PTPRF: variants seen among roughly 807,000 people sequenced by gnomAD.
PTPRF encodes receptor-type tyrosine-protein phosphatase F.
In PTPRF, 59 loss-of-function variants were observed where a neutral mutation model predicts 201.8. The observed-to-expected ratio is 0.29, with a 90% CI of 0.24 to 0.36. PTPRF has a LOEUF of 0.36. Ranked by LOEUF, PTPRF falls within the 10% of genes least tolerant of loss-of-function variation. PTPRF has a pLI of 1.00. For missense variants in PTPRF, 2,132 were observed against 2,690.5 expected (o/e 0.79, Z 4.59); for synonymous variants, 1,088 against 1,089.7 (o/e 1.00, Z 0.03).
At chr1:43,526,981 A>G (rs893700054), upstream of PTPRF, among the ~76,000 whole-genome samples, 1 of 152,224 alleles carries the variant, frequency 6.6e-6, no homozygotes, top group Non-Finnish European at 1.5e-5. Context: ...GAGGGAGCTG[A>G]AGGGCAGCCA....
At chr1:43,540,536 C>T (rs548998541) in intron 2 of PTPRF, among the ~76,000 whole-genome samples, 17 of 152,328 alleles carry the variant, frequency 1.1e-4, no homozygotes, top group African/African-American at 3.8e-4. Flanking sequence ...GTTACAGCCG[C>T]AGGAAGATAC....
chr1:43,613,291 C>T, intron 22 of PTPRF: 1 of 348,612 alleles, frequency 2.9e-6, no homozygotes, highest in Non-Finnish European at 5.5e-6. Flanking sequence ...GTCACGTCTG[C>T]TGCCACCGAC....
chr1:43,621,325 G>T (rs1418934341), intron 33 of PTPRF, 93 bp downstream of exon 33: 1 of 1,493,886 alleles, frequency 6.7e-7, no homozygotes, highest in African/African-American at 1.4e-5. Context: ...ACAGGCATGT[G>T]CATTCATTCA....
intron 6 of PTPRF, among the ~76,000 whole-genome samples, chr1:43,576,160 C>T (rs541608929): frequency 3.3e-5 from 5 of 152,352 alleles, no homozygotes; most frequent in South Asian, 4.1e-4. Flanking sequence ...CGCCGGGCCC[C>T]GCCTAGGACA....
At chr1:43,577,647 G>C (rs1353689969) in intron 6 of PTPRF, among the ~76,000 whole-genome samples, 1 of 152,072 alleles carries the variant, frequency 6.6e-6, no homozygotes, top group Non-Finnish European at 1.5e-5. Context: ...AGTCCAGGCA[G>C]GGGGGGCCCG....
upstream of PTPRF, among the ~76,000 whole-genome samples, chr1:43,526,298 G>A (rs1570809149): frequency 6.6e-6 from 1 of 152,192 alleles, no homozygotes; most frequent in Non-Finnish European, 1.5e-5. Flanking sequence ...AGAAATGAAA[G>A]GCATTAGCCA....
chr1:43,615,567 T>TTC (rs1657594706), intron 23 of PTPRF, among the ~76,000 whole-genome samples: 2 of 136,246 alleles, frequency 1.5e-5, no homozygotes, highest in Non-Finnish European at 3.1e-5. Context: ...TTTTTTTTTT[T>TTC]TTTTTTTTTT....
In PTPRF at chr1:43,617,586, C is replaced by A; in HGVS notation, c.4195+18C>A. ...TATCGATGGTGAGCCAAGGGGGTGCCCCTCCCATCCCCTTGCTCTCCCCCT... is the reference window on the plus strand; with the variant it reads ...TATCGATGGTGAGCCAAGGGGGTGCACCTCCCATCCCCTTGCTCTCCCCCT... On this transcript the variant is annotated intron_variant, in intron 24 of 33. Transcript: ENST00000359947. 6.2e-7 allele frequency: 1 copy of A among 1,613,498 alleles called. No homozygotes were observed. Among genetic ancestry groups the A allele is most frequent in the Non-Finnish European group, 8.5e-7 (1 of 1,179,798 alleles).
At chr1:43,583,482 A>G (rs1316666177) in intron 7 of PTPRF, among the ~76,000 whole-genome samples, 1 of 152,146 alleles carries the variant, frequency 6.6e-6, no homozygotes, top group Non-Finnish European at 1.5e-5. Flanking sequence ...TAAGACCTGT[A>G]GCGCTTTGTG....
Position 43,553,248 on chromosome 1 carries a change from T to G in PTPRF, c.92-244T>G, listed in dbSNP as rs571044040. Among the ~76,000 whole-genome samples, 1 of 152,236 alleles carries G rather than the reference T, an allele frequency of 6.6e-6. No homozygotes were observed. Among genetic ancestry groups the G allele is most frequent in the South Asian group, 2.1e-4 (1 of 4,828 alleles). ...TACCAGCTGTGTCATATGGGACAAATCCCTTAACCTCTCTGGGCCTCTAGA... is the reference window on the plus strand; with the variant it reads ...TACCAGCTGTGTCATATGGGACAAAGCCCTTAACCTCTCTGGGCCTCTAGA... On this transcript the variant is annotated intron_variant, in intron 3 of 33. Coordinates refer to ENST00000359947, the MANE Select transcript of PTPRF (RefSeq NM_002840.5). The surrounding 1 kb of genome is among the most constrained non-coding windows in gnomAD (Gnocchi z 4.1).
At chr1:43,607,680 T>G (rs1655457333) in intron 21 of PTPRF, among the ~76,000 whole-genome samples, 1 of 152,278 alleles carries the variant, frequency 6.6e-6, no homozygotes, top group South Asian at 2.1e-4. Context: ...CTGGCTAATC[T>G]GACCCCTGCC....
In PTPRF at chr1:43,617,512, G is replaced by A. The variant is rs1165576828; in HGVS notation, c.4139G>A (p.Arg1380His). Residue 1380 changes from arginine to histidine, a missense_variant, in exon 24 of 34, where the codon CGC becomes CAC. Physicochemically the swap from Arg to His is conservative, Grantham distance 29. Coordinates refer to ENST00000359947, the MANE Select transcript of PTPRF (RefSeq NM_002840.5). ...CTGGAGGTGAACAAGCCCAAGAACC[G>A]CTATGCGAATGTCATCGCCTACGAC... The part of the protein sequence containing the change: ...SNLEVNKPKN[R>H]YANVIAYDHS... 2.5e-6 allele frequency: 4 copies of A among 1,613,952 alleles called. No individual in the cohort carries two copies. The highest frequency in any genetic ancestry group is 2.5e-6 in the Non-Finnish European group (3 of 1,180,010).
At chr1:43,601,553 T>TA (rs1557822067) in intron 13 of PTPRF, among the ~76,000 whole-genome samples, 2 of 152,216 alleles carry the variant, frequency 1.3e-5, no homozygotes, top group Non-Finnish European at 1.5e-5. Context: ...GGTGATTGTG[T>TA]AATGTATGAT....
intron 7 of PTPRF, among the ~76,000 whole-genome samples, chr1:43,582,276 G>A (rs748761935): frequency 3.9e-5 from 6 of 152,200 alleles, no homozygotes; most frequent in Non-Finnish European, 8.8e-5. Flanking sequence ...GCTAGCACTC[G>A]GCTACTAGTC....
chr1:43,561,317 C>T lies in PTPRF; in HGVS notation c.379+7376C>T, dbSNP rs76708282. Among the ~76,000 whole-genome samples the T allele has an allele frequency of 4.6e-3, 708 of 152,278 alleles. 9 individuals carry two copies. The highest frequency in any genetic ancestry group is 0.016 in the African/African-American group (659 of 41,542). ...CAAGGAGTCATCTCTCCCTGCTCCA[C>T]CTCCTTCCCTGCTCCAAACCTGTAT... On this transcript the variant is annotated intron_variant, in intron 5 of 33. Coordinates refer to ENST00000359947, the MANE Select transcript of PTPRF (RefSeq NM_002840.5).
At chr1:43,589,695 G>GAAA (rs55816248) in intron 8 of PTPRF, among the ~76,000 whole-genome samples, 16 of 106,568 alleles carry the variant, frequency 1.5e-4, no homozygotes, top group African/African-American at 4.3e-4. Flanking sequence ...CCATCTCTAC[G>GAAA]AAAAAAAAAA....
At chr1:43,587,656 T>A (rs1162509339) in intron 7 of PTPRF, among the ~76,000 whole-genome samples, 2 of 152,184 alleles carry the variant, frequency 1.3e-5, no homozygotes, top group Non-Finnish European at 2.9e-5. Flanking sequence ...ACCAGTGCTC[T>A]CAGCAGTGCT....
Position 43,622,695 on chromosome 1 carries a change from T to G in PTPRF, c.*692T>G, listed in dbSNP as rs1297206359. The G allele has an allele frequency of 6.6e-6, 1 of 152,558 alleles. No homozygotes were observed. The highest frequency in any genetic ancestry group is 1.5e-5 in the Non-Finnish European group (1 of 68,050). 9.5% of individuals were successfully genotyped at this position (152,558 alleles called of 1,614,324 possible). ...CTTTAAAGCCTTTTTTTAGGCCACA[T>G]TGACAGTGGTGGGCGGGGAGAAGAT... On this transcript the variant is annotated 3_prime_UTR_variant, in exon 34 of 34. Transcript: ENST00000359947.
At chr1:43,564,007 C>T (rs367793016) in intron 5 of PTPRF, among the ~76,000 whole-genome samples, 3 of 152,122 alleles carry the variant, frequency 2.0e-5, no homozygotes, top group African/African-American at 2.4e-5. Flanking sequence ...AGGGGGACGC[C>T]GTGCCTGCCA....
Sources: allele counts gnomAD v4.1 joint callset (sites outside exome capture counted in the v4.1 genomes callset), GRCh38; gene constraint gnomAD v4.1.1; non-coding constraint Gnocchi (gnomAD v3.1); transcripts MANE v1.5; gene names NCBI Gene and HGNC (gene_info 2026-07-23, HGNC 2026-07-21).